The following CHST9 variants were observed in gnomAD, a reference collection of about 807,000 sequenced individuals.
CHST9 encodes GalNAc-4-sulfotransferase 2.
In CHST9, 41 loss-of-function variants were observed where a neutral mutation model predicts 44.4. The ratio of observed to expected loss-of-function variants is 0.92; its 90% CI spans 0.72 to 1.20. CHST9 has a LOEUF of 1.20. CHST9 is among the 50% of genes most tolerant of loss of function. The pLI, the probability that CHST9 is intolerant of heterozygous loss-of-function variation, is 0.00. For synonymous variants in CHST9, 171 were observed against 178.4 expected, an observed-to-expected ratio of 0.96 and a Z score of 0.33; for missense variants, 504 against 516.5, an observed-to-expected ratio of 0.98 and a Z score of 0.23.
chr18:27,094,235 T>C (rs1223607147), intron 2 of CHST9, among the ~76,000 whole-genome samples: 2 of 152,306 alleles, frequency 1.3e-5, no homozygotes, highest in East Asian at 3.9e-4. Flanking sequence ...CTGTAACACC[T>C]TATCATATTC....
At chr18:26,960,244 G>A (rs1598596112) in intron 4 of CHST9, among the ~76,000 whole-genome samples, 1 of 152,070 alleles carries the variant, frequency 6.6e-6, no homozygotes, top group Non-Finnish European at 1.5e-5. Context: ...GAGTTGAAGG[G>A]AAATAAATAT....
intron 4 of CHST9, among the ~76,000 whole-genome samples, chr18:26,958,600 C>T (rs779881078): frequency 3.3e-5 from 5 of 152,080 alleles, no homozygotes; most frequent in Admixed American, 6.5e-5. Flanking sequence ...GGGTTAATAT[C>T]CAGAATCTAT....
At position 27,024,135 on chromosome 18, in the gene CHST9, C is replaced by T. The variant is rs770108511; in HGVS notation, c.183G>A (p.Leu61=). Residue 61 remains leucine, a synonymous_variant, in exon 4 of 6, where the codon TTG becomes TTA. Transcript: ENST00000618847. ...ACTCACTGATTCTGGGTACAGGCCG[C>T]AAGTACTTCACTGGTCCCCATCCTG... ...VTSGWGPVKY[L]RPVPRIMSTE... is the part of the protein sequence containing the mutation. 3 of 1,612,180 alleles carry T rather than the reference C, an allele frequency of 1.9e-6. No individual in the cohort carries two copies. Among genetic ancestry groups the T allele is most frequent in the Non-Finnish European group, 1.7e-6 (2 of 1,179,218 alleles).
intron 1 of CHST9, among the ~76,000 whole-genome samples, chr18:27,164,197 A>C (rs1051468806): frequency 1.3e-5 from 2 of 152,198 alleles, no homozygotes; most frequent in African/African-American, 4.8e-5. Context: ...AAAACAAAAC[A>C]AAACAAAGTA....
At chr18:27,154,303 G>C (rs2058681858) in intron 1 of CHST9, among the ~76,000 whole-genome samples, 1 of 151,872 alleles carries the variant, frequency 6.6e-6, no homozygotes, top group Non-Finnish European at 1.5e-5. Flanking sequence ...CAATAACCTT[G>C]TTTTCTTTTC....
At chr18:27,023,632 C>T (rs2057249890) in intron 4 of CHST9, among the ~76,000 whole-genome samples, 1 of 152,120 alleles carries the variant, frequency 6.6e-6, no homozygotes, top group Admixed American at 6.5e-5. Context: ...AAATCCATTC[C>T]TTGCAGAAAA....
intron 2 of CHST9, among the ~76,000 whole-genome samples, chr18:27,061,498 G>A (rs1448324654): frequency 1.3e-5 from 2 of 152,134 alleles, no homozygotes; most frequent in South Asian, 4.1e-4. Context: ...CACAGAAGGT[G>A]AGGAGGGCCC....
intron 4 of CHST9, among the ~76,000 whole-genome samples, chr18:26,987,920 G>A (rs2056773092): frequency 6.6e-6 from 1 of 152,082 alleles, no homozygotes; most frequent in South Asian, 2.1e-4. Context: ...CCAGCCTCTA[G>A]AACTGTGAGA....
intron 4 of CHST9, among the ~76,000 whole-genome samples, chr18:26,972,080 G>GA (rs2056552476): frequency 6.6e-6 from 1 of 152,144 alleles, no homozygotes; most frequent in Non-Finnish European, 1.5e-5. Context: ...CATTGGGCCA[G>GA]ACGCCGTGGC....
intron 2 of CHST9, among the ~76,000 whole-genome samples, chr18:27,081,666 G>A (rs1317590015): frequency 6.6e-6 from 1 of 152,170 alleles, no homozygotes; most frequent in Non-Finnish European, 1.5e-5. Flanking sequence ...ATAAATGAAA[G>A]AGTCAGATGT....
At chr18:27,168,077 ATT>A (rs55651220) in intron 1 of CHST9, among the ~76,000 whole-genome samples, 2 of 140,130 alleles carry the variant, frequency 1.4e-5, no homozygotes. Context: ...GATTATACCT[ATT>A]TTTTTTTTTT....
At chr18:27,013,827 C>T (rs1302882815) in intron 4 of CHST9, among the ~76,000 whole-genome samples, 4 of 152,032 alleles carry the variant, frequency 2.6e-5, no homozygotes, top group African/African-American at 9.7e-5. Flanking sequence ...TGACACAGTG[C>T]CTTTCAAATA....
intron 2 of CHST9, among the ~76,000 whole-genome samples, chr18:27,103,804 C>T (rs1337168577): frequency 6.6e-6 from 1 of 152,020 alleles, no homozygotes; most frequent in Non-Finnish European, 1.5e-5. Flanking sequence ...AATAACCAAC[C>T]ACACAATTGG....
chr18:26,934,268 T>A (rs2055937949), intron 5 of CHST9: 1 of 151,984 alleles, frequency 6.6e-6, no homozygotes, highest in African/African-American at 2.4e-5. Flanking sequence ...GGAGTCTTGC[T>A]CTGTCCCCCA....
At chr18:26,961,852 T>G (rs1187509946) in intron 4 of CHST9, among the ~76,000 whole-genome samples, 1 of 152,244 alleles carries the variant, frequency 6.6e-6, no homozygotes, top group Non-Finnish European at 1.5e-5. Flanking sequence ...TTTTGCACAT[T>G]AGGACAGGCG....
chr18:27,019,467 T>C (rs1289232162), intron 4 of CHST9, among the ~76,000 whole-genome samples: 1 of 152,132 alleles, frequency 6.6e-6, no homozygotes, highest in African/African-American at 2.4e-5. Flanking sequence ...AGAAATGATG[T>C]TGAATTACTC....
At chr18:27,184,723 C>T (rs936926939) in intron 1 of CHST9, among the ~76,000 whole-genome samples, 2 of 152,180 alleles carry the variant, frequency 1.3e-5, no homozygotes, top group African/African-American at 4.8e-5. Flanking sequence ...AAACTAAAGA[C>T]TGTTCCTGCC....
chr18:26,954,453 C>T (rs1331127119), intron 4 of CHST9, among the ~76,000 whole-genome samples: 1 of 152,106 alleles, frequency 6.6e-6, no homozygotes, highest in Non-Finnish European at 1.5e-5. Context: ...TGGCTCTCTC[C>T]AAGTTCCTTT....
At chr18:26,996,634 G>T (rs1224899686) in intron 4 of CHST9, among the ~76,000 whole-genome samples, 2 of 152,200 alleles carry the variant, frequency 1.3e-5, no homozygotes, top group East Asian at 3.9e-4. Flanking sequence ...CCCAAAGGAT[G>T]TTAGAGAATG....
Sources: allele counts gnomAD v4.1 joint callset (sites outside exome capture counted in the v4.1 genomes callset), GRCh38; gene constraint gnomAD v4.1.1; transcripts MANE v1.5; gene names NCBI Gene and HGNC (gene_info 2026-07-23, HGNC 2026-07-21).